Variants in CELF1 observed in about 807,000 individuals in gnomAD.
CELF1 encodes 50 kDa nuclear polyadenylated RNA-binding protein.
In CELF1, 10 loss-of-function variants were observed where a neutral mutation model predicts 61.8. The observed-to-expected ratio is 0.16, with a 90% confidence interval of 0.10 to 0.27. The LOEUF is 0.27. Among genes scored for constraint, CELF1 ranks in the 10% least tolerant of loss-of-function variants. CELF1 has a pLI of 1.00. For missense variants in CELF1, 380 were observed against 639.1 expected (o/e 0.59, Z 4.37); for synonymous variants, 236 against 225.1 (o/e 1.05, Z -0.43).
intron 1 of CELF1, among the ~76,000 whole-genome samples, chr11:47,542,190 T>C (rs1014532473): frequency 1.6e-4 from 25 of 152,182 alleles, no homozygotes; most frequent in Non-Finnish European, 3.2e-4. Flanking sequence ...GCCAACATGG[T>C]GAAACCCCAT....
chr11:47,486,247 G>A (rs977385058), intron 6 of CELF1, among the ~76,000 whole-genome samples: 6 of 150,992 alleles, frequency 4.0e-5, no homozygotes, highest in African/African-American at 1.5e-4. Flanking sequence ...AAATTATACT[G>A]ACCAAGTATA....
chr11:47,549,061 CCA>C (rs2097063994), intron 1 of CELF1, among the ~76,000 whole-genome samples: 2 of 152,022 alleles, frequency 1.3e-5, no homozygotes, highest in South Asian at 2.1e-4. Flanking sequence ...ATCAAAACTA[CCA>C]CAGTGAGGTA....
At chr11:47,480,683 A>T (rs950767788) in intron 9 of CELF1, among the ~76,000 whole-genome samples, 6 of 152,122 alleles carry the variant, frequency 3.9e-5, no homozygotes, top group Non-Finnish European at 8.8e-5. Context: ...GATGACTAAA[A>T]CCTCCCTGAA....
At chr11:47,562,905 C>T (rs1172112079) in intron 2 of CELF1, among the ~76,000 whole-genome samples, 1 of 151,924 alleles carries the variant, frequency 6.6e-6, no homozygotes, top group East Asian at 1.9e-4. Flanking sequence ...CGGGGTTTCA[C>T]CATGTTGGCC....
At chr11:47,548,172 A>G (rs1372749139) in intron 1 of CELF1, among the ~76,000 whole-genome samples, 1 of 151,662 alleles carries the variant, frequency 6.6e-6, no homozygotes, top group Non-Finnish European at 1.5e-5. Context: ...AGTGGCAGGA[A>G]CCTGTAATCC....
In CELF1 at chr11:47,471,408, T is replaced by C. The variant is rs1311477958; in HGVS notation, c.*822A>G. 2 of 152,214 alleles carry C rather than the reference T, an allele frequency of 1.3e-5. No individual in the cohort carries two copies. The highest frequency in any genetic ancestry group is 2.4e-5 in the African/African-American group (1 of 41,450). The allele number at this position is 152,214 out of a possible 1,614,324, so 9.4% of individuals were successfully genotyped here. A position where few individuals can be genotyped will look rare whatever the true frequency, so the allele number is the denominator to read the frequency against. On this transcript the variant is annotated 3_prime_UTR_variant, in exon 15 of 15. Transcript: ENST00000687097. ...AAATGGGCCATGGTCTAATTTGGTG[T>C]TGAAATAAACTAACCTCTTTGGCTG...
chr11:47,538,212 C>T (rs1472982007), intron 1 of CELF1, among the ~76,000 whole-genome samples: 2 of 152,066 alleles, frequency 1.3e-5, no homozygotes, highest in Non-Finnish European at 2.9e-5. Context: ...CATGCCTGGC[C>T]CATAATATTG....
intron 1 of CELF1, among the ~76,000 whole-genome samples, chr11:47,540,755 G>C (rs1395082247): frequency 2.0e-5 from 3 of 152,068 alleles, no homozygotes; most frequent in Non-Finnish European, 4.4e-5. Flanking sequence ...ATGGTGGTGG[G>C]CACCTGTAAT....
rs772151049 is a variant in CELF1 at position 47,546,834 on chromosome 11, G to A, written c.-154+6158C>T. Among the ~76,000 whole-genome samples, 5 of 151,992 alleles carry A rather than the reference G, an allele frequency of 3.3e-5. No homozygotes were observed. The South Asian group carries it at 8.3e-4, about 25-fold the overall frequency. ...AATTGCAGAACTTTGGGAGGCTGAG[G>A]TGGGTGAATCACCTGAGGTCAGGAG... is the stretch of plus-strand genomic sequence containing the variant. On this transcript the variant is annotated intron_variant, in intron 1 of 14. Transcript: ENST00000687097.
At chr11:47,511,365 A>ATATGAGGTAATCTCTTGGGAAC (rs1171518753) in intron 1 of CELF1, among the ~76,000 whole-genome samples, 1 of 152,160 alleles carries the variant, frequency 6.6e-6, no homozygotes, top group Non-Finnish European at 1.5e-5. Flanking sequence ...CTCTTGGGAA[A>ATATGAGGTAATCTCTTGGGAAC]TATGAGAACT....
intron 6 of CELF1, 36 bp from the exon 7 acceptor site, chr11:47,484,559 T>C (rs1268720811): frequency 1.3e-6 from 2 of 1,581,964 alleles, no homozygotes; most frequent in East Asian, 2.3e-5. Context: ...TGAATATTAC[T>C]ACTTAAAGAG....
chr11:47,559,799 C>A (rs1271062468), intron 2 of CELF1, among the ~76,000 whole-genome samples: 1 of 151,908 alleles, frequency 6.6e-6, no homozygotes, highest in Non-Finnish European at 1.5e-5. Flanking sequence ...GTCAGGAGTT[C>A]GAGACCAGCC....
chr11:47,556,525 G>T (rs1465179384), upstream of CELF1, among the ~76,000 whole-genome samples: 1 of 152,116 alleles, frequency 6.6e-6, no homozygotes, highest in African/African-American at 2.4e-5. Flanking sequence ...TACAAAATGA[G>T]ATTGATAAAT....
At chr11:47,533,641 T>TACATACAA (rs2096548250) in intron 1 of CELF1, among the ~76,000 whole-genome samples, 1 of 149,830 alleles carries the variant, frequency 6.7e-6, no homozygotes, top group Non-Finnish European at 1.5e-5. Flanking sequence ...AATAAATACA[T>TACATACAA]ACATACATAC....
At chr11:47,486,676 G>T (rs2087457579) in intron 6 of CELF1, 74 bp downstream of exon 6, 4 of 1,221,820 alleles carry the variant, frequency 3.3e-6, no homozygotes, top group Non-Finnish European at 4.8e-6. Context: ...CCAAAGTGCT[G>T]GGATTACAGG....
At chr11:47,534,022 C>CTTTTTTTTTTTTTTTTTTT (rs71042679) in intron 1 of CELF1, among the ~76,000 whole-genome samples, 1 of 87,584 alleles carries the variant, frequency 1.1e-5, no homozygotes, top group Non-Finnish European at 2.1e-5. Flanking sequence ...TTTTTCTTTC[C>CTTTTTTTTTTTTTTTTTTT]TTTTTTTTTT....
At chr11:47,506,426 C>T (rs1196660147) in intron 1 of CELF1, among the ~76,000 whole-genome samples, 1 of 149,960 alleles carries the variant, frequency 6.7e-6, no homozygotes, top group Admixed American at 6.6e-5. Flanking sequence ...GAGACTCCGG[C>T]TCAAAAAAAA....
At chr11:47,517,260 G>GAAAAA (rs57071560) in intron 1 of CELF1, among the ~76,000 whole-genome samples, 7 of 76,994 alleles carry the variant, frequency 9.1e-5, no homozygotes, top group Non-Finnish European at 1.6e-4. Flanking sequence ...AACAAACAGA[G>GAAAAA]AAAAAAAAAA....
chr11:47,467,521 G>C lies in CELF1; in HGVS notation c.*4709C>G, dbSNP rs2076869793. 6.6e-6 allele frequency: 1 copy of C among 152,358 alleles called. No homozygotes were observed. Among genetic ancestry groups the C allele is most frequent in the African/African-American group, 2.4e-5 (1 of 41,458 alleles). 9.4% of individuals were successfully genotyped at this position (152,358 alleles called of 1,614,324 possible). ...CAGGGCTGTAAACAGTGTGAAGACT[G>C]TAGTATTGTGCTTGTCACCTAGGAA... On this transcript the variant is annotated 3_prime_UTR_variant, in exon 15 of 15. Transcript: ENST00000687097.
Sources: gnomAD v4.1 joint callset for allele counts (sites outside exome capture counted in the v4.1 genomes callset) on GRCh38, gnomAD v4.1.1 for gene constraint, MANE v1.5 for transcripts, NCBI Gene and HGNC (gene_info 2026-07-23, HGNC 2026-07-21) for gene names.